Variants in SMC5 observed in about 807,000 individuals in gnomAD.
SMC5 encodes structural maintenance of chromosomes protein 5.
Under a neutral mutation model 148.3 loss-of-function variants are expected in SMC5, and 88 were observed. That is an observed-to-expected ratio of 0.59 (90% confidence interval 0.50 to 0.71). The LOEUF is 0.71. SMC5 is among the 30% of genes least tolerant of loss of function. The pLI, the probability that SMC5 is intolerant of heterozygous loss-of-function variation, is 0.00. For missense variants in SMC5, 1,142 were observed against 1,298.9 expected (o/e 0.88, Z 1.86); for synonymous variants, 421 against 432.8 (o/e 0.97, Z 0.34).
intron 10 of SMC5, among the ~76,000 whole-genome samples, chr9:70,304,086 T>C (rs946559842): frequency 6.6e-6 from 1 of 152,150 alleles, no homozygotes; most frequent in Non-Finnish European, 1.5e-5. Context: ...CTAATTCATA[T>C]TTTTACTTTA....
chr9:70,264,578 G>A (rs2034224900), intron 2 of SMC5, 133 bp downstream of exon 2: 3 of 788,890 alleles, frequency 3.8e-6, no homozygotes, highest in Non-Finnish European at 5.7e-6. Context: ...AATTTGGCAG[G>A]TAGAGAAGCT....
intron 15 of SMC5, among the ~76,000 whole-genome samples, chr9:70,320,070 T>C (rs538203458): frequency 6.6e-6 from 1 of 152,372 alleles, no homozygotes; most frequent in East Asian, 1.9e-4. Flanking sequence ...CAGATAATTA[T>C]AGTTTGTCAT....
intron 13 of SMC5, 112 bp from the exon 14 acceptor site, chr9:70,318,402 A>G (rs765560242): frequency 4.5e-6 from 4 of 886,266 alleles, no homozygotes; most frequent in Admixed American, 3.0e-5. Context: ...AAAAAAATGT[A>G]TATCTCGTAT....
Position 70,280,740 on chromosome 9 carries a change from C to A in SMC5, c.679-19C>A. 2 of 1,591,432 alleles carry A rather than the reference C, an allele frequency of 1.3e-6. No individual in the cohort carries two copies. Among genetic ancestry groups the A allele is most frequent in the South Asian group, 2.3e-5 (2 of 87,802 alleles). ...CATTTTTTCTGTCAAACTGATTGTT[C>A]AACATATATTTATTGTAGACCTCAT... On this transcript the variant is annotated intron_variant, in intron 5 of 24. Coordinates refer to ENST00000361138, the MANE Select transcript of SMC5 (RefSeq NM_015110.4).
chr9:70,352,448 C>G lies in SMC5; in HGVS notation c.*117C>G. 4 of 1,011,160 alleles carry G rather than the reference C, an allele frequency of 4.0e-6. No homozygotes were observed. The highest frequency in any genetic ancestry group is 5.7e-6 in the Non-Finnish European group (4 of 698,360). The allele number at this position is 1,011,160 out of a possible 1,614,324, so 62.6% of individuals were successfully genotyped here. On this transcript the variant is annotated 3_prime_UTR_variant, in exon 25 of 25. Transcript: ENST00000361138. The stretch of plus-strand genomic sequence containing the variant: ...AAAAGCAGTTATTTTTGGAAACCTG[C>G]TTTTAAATACAAATAGGTTGATAAT...
Position 70,310,651 on chromosome 9 carries a change from A to C in SMC5, c.1579-4091A>C, listed in dbSNP as rs143185730. ...GAGTCAGCTTTCCTTTGAAGTTTTG[A>C]ATCCAGTCATTGATTTCTTTTCTCT... On this transcript the variant is annotated intron_variant, in intron 11 of 24. Coordinates refer to ENST00000361138, the MANE Select transcript of SMC5 (RefSeq NM_015110.4). Among the ~76,000 whole-genome samples, 94 of 152,292 alleles carry C rather than the reference A, an allele frequency of 6.2e-4. 1 individual carries two copies. The highest frequency in any genetic ancestry group is 2.1e-3 in the African/African-American group (89 of 41,574).
intron 9 of SMC5, among the ~76,000 whole-genome samples, chr9:70,299,680 T>A (rs552239624): frequency 6.6e-6 from 1 of 151,762 alleles, no homozygotes; most frequent in East Asian, 1.9e-4. Context: ...TTTAGTTTTG[T>A]TGTATATACA....
At chr9:70,312,734 G>T (rs2035692399) in intron 11 of SMC5, among the ~76,000 whole-genome samples, 1 of 152,180 alleles carries the variant, frequency 6.6e-6, no homozygotes, top group South Asian at 2.1e-4. Flanking sequence ...AGTTAGATCA[G>T]TTGATTTTTG....
chr9:70,269,712 A>T (rs1341857578), intron 3 of SMC5, among the ~76,000 whole-genome samples: 1 of 152,260 alleles, frequency 6.6e-6, no homozygotes, highest in Non-Finnish European at 1.5e-5. Flanking sequence ...TAAATGTGCC[A>T]GAAAACCCAA....
intron 6 of SMC5, among the ~76,000 whole-genome samples, 196 bp downstream of exon 6, chr9:70,281,095 T>G (rs1212078962): frequency 1.3e-5 from 2 of 151,938 alleles, no homozygotes; most frequent in Non-Finnish European, 2.9e-5. Context: ...TGGAGTTCAG[T>G]GGTACGATCT....
chr9:70,301,413 C>T (rs2035353445), intron 10 of SMC5, among the ~76,000 whole-genome samples: 1 of 152,140 alleles, frequency 6.6e-6, no homozygotes, highest in Admixed American at 6.5e-5. Context: ...TTACCCTTTT[C>T]AGACTAACCT....
intron 3 of SMC5, among the ~76,000 whole-genome samples, chr9:70,269,975 A>G (rs2034398565): frequency 6.6e-6 from 1 of 152,234 alleles, no homozygotes; most frequent in African/African-American, 2.4e-5. Context: ...TCAACACAGC[A>G]CAGAACACTT....
At position 70,352,179 on chromosome 9, in the gene SMC5, T is replaced by A. The variant is rs748853137; in HGVS notation, c.3166-12T>A. 1 of 1,601,400 alleles carries A rather than the reference T, an allele frequency of 6.2e-7. No homozygotes were observed. Among genetic ancestry groups the A allele is most frequent in the South Asian group, 1.1e-5 (1 of 88,648 alleles). On this transcript the variant is annotated splice_polypyrimidine_tract_variant and intron_variant, in intron 24 of 24. Transcript: ENST00000361138. ...ATATAGCTTATATGACAATTTGTTT[T>A]AATACTTACAGCTCCTGCAAAATCT...
rs528115142 is a variant in SMC5 at position 70,329,628 on chromosome 9, C to G, written c.2397+5485C>G. Reference sequence around the variant, plus strand: ...AACTGCTCAACAAGTCTCGAAGTTCCAAACTTTCCCTCATCTTCCTGTCTT... The same window carrying G: ...AACTGCTCAACAAGTCTCGAAGTTCGAAACTTTCCCTCATCTTCCTGTCTT... On this transcript the variant is annotated intron_variant, in intron 17 of 24. Transcript: ENST00000361138. 4.8e-4 allele frequency among the ~76,000 whole-genome samples: 73 copies of G among 152,294 alleles called. No homozygotes were observed. The South Asian group carries it at 5.0e-3, about 10-fold the overall frequency.
intron 3 of SMC5, among the ~76,000 whole-genome samples, chr9:70,272,892 G>C (rs1236286099): frequency 6.6e-6 from 1 of 152,154 alleles, no homozygotes; most frequent in Non-Finnish European, 1.5e-5. Context: ...ACTGCTGATA[G>C]GTCAAGTAAA....
At chr9:70,314,474 T>C (rs1473429249) in intron 11 of SMC5, among the ~76,000 whole-genome samples, 2 of 152,136 alleles carry the variant, frequency 1.3e-5, no homozygotes, top group African/African-American at 4.8e-5. Flanking sequence ...ACTATCTCCC[T>C]TCTGTATCAT....
chr9:70,281,008 T>G (rs995177252), intron 6 of SMC5, 109 bp downstream of exon 6: 52 of 1,293,800 alleles, frequency 4.0e-5, no homozygotes, highest in Non-Finnish European at 5.4e-5. Context: ...TTTTTCATTT[T>G]TGGCTTTATA....
At chr9:70,346,482 C>T (rs575554610) in intron 18 of SMC5, 123 bp from the exon 19 acceptor site, 1 of 953,572 alleles carries the variant, frequency 1.0e-6, no homozygotes, top group African/African-American at 1.6e-5. Context: ...TGGTGAAATT[C>T]AACTGTCAAA....
Position 70,324,093 on chromosome 9 carries a change from A to G in SMC5, c.2347A>G (p.Lys783Glu). The change falls in exon 17 of 25, where the codon AAA (lysine) becomes GAA (glutamate). Residue 783 changes from lysine to glutamate, a missense_variant. Physicochemically the swap from Lys to Glu is moderately conservative, Grantham distance 56 (BLOSUM62 1). Coordinates refer to ENST00000361138, the MANE Select transcript of SMC5 (RefSeq NM_015110.4). ...QNTTVISEKN[K>E]LESDYMAASS... The stretch of plus-strand genomic sequence containing the variant: ...TACTACAGTGATCTCTGAGAAGAAC[A>G]AATTAGAATCAGATTATATGGCCGC... 6.2e-7 allele frequency: 1 copy of G among 1,602,768 alleles called. No individual in the cohort carries two copies. The highest frequency in any genetic ancestry group is 8.5e-7 in the Non-Finnish European group (1 of 1,178,046).
Sources: gnomAD v4.1 joint callset for allele counts (sites outside exome capture counted in the v4.1 genomes callset) on GRCh38, gnomAD v4.1.1 for gene constraint, MANE v1.5 for transcripts, NCBI Gene and HGNC (gene_info 2026-07-23, HGNC 2026-07-21) for gene names.